Variants in NIPSNAP2 observed in about 807,000 individuals in gnomAD.
NIPSNAP2 encodes nipsnap homolog 2, also known as protein NipSnap homolog 2.
A neutral mutation model predicts 48.4 loss-of-function variants in NIPSNAP2; 42 were observed. The ratio of observed to expected loss-of-function variants is 0.87; its 90% CI spans 0.68 to 1.12. NIPSNAP2 has a LOEUF of 1.12. Ranked by LOEUF, NIPSNAP2 falls within the 50% of genes most tolerant of loss-of-function variation. The pLI is 0.00. For missense variants in NIPSNAP2, 314 were observed against 347.3 expected, an observed-to-expected ratio of 0.90 and a Z score of 0.76; for synonymous variants, 158 against 126.6, an observed-to-expected ratio of 1.25 and a Z score of -1.67.
chr7:55,981,531 A>G lies in NIPSNAP2; in HGVS notation c.337A>G (p.Thr113Ala), dbSNP rs1562764935. The G allele has an allele frequency of 2.5e-6, 4 of 1,613,796 alleles. No homozygotes were observed. Among genetic ancestry groups the G allele is most frequent in the Non-Finnish European group, 2.5e-6 (3 of 1,179,936 alleles). The part of the protein sequence containing the change: ...DKHYPCTLVG[T>A]WNTWYGEQDQ... ...ACACTACCCTTGTACTTTGGTGGGG[A>G]CTTGGAACACGTGGTATGGCGAGCA... The change falls in exon 4 of 10, where the codon ACT (threonine) becomes GCT (alanine). Residue 113 changes from threonine to alanine, a missense_variant. Coordinates refer to ENST00000322090, the MANE Select transcript of NIPSNAP2 (RefSeq NM_001483.3).
intron 1 of NIPSNAP2, among the ~76,000 whole-genome samples, chr7:55,968,674 C>T (rs1447896383): frequency 6.6e-6 from 1 of 152,124 alleles, no homozygotes; most frequent in Non-Finnish European, 1.5e-5. Context: ...GGATTATAGG[C>T]GTGAGCCACT....
intron 1 of NIPSNAP2, among the ~76,000 whole-genome samples, chr7:55,966,463 T>TA (rs1461826475): frequency 6.6e-6 from 1 of 151,906 alleles, no homozygotes; most frequent in Admixed American, 6.6e-5. Flanking sequence ...AGTACATAAA[T>TA]AAAAATTTGT....
intron 1 of NIPSNAP2, among the ~76,000 whole-genome samples, chr7:55,973,656 G>A (rs889186943): frequency 1.6e-5 from 2 of 124,070 alleles, no homozygotes; most frequent in South Asian, 4.8e-4. Context: ...TTTTTTTTTT[G>A]TAGTGTTAGT....
intron 7 of NIPSNAP2, among the ~76,000 whole-genome samples, chr7:55,992,405 C>A (rs1217001332): frequency 1.3e-5 from 2 of 152,060 alleles, no homozygotes; most frequent in Non-Finnish European, 2.9e-5. Context: ...CAGGAGGCTC[C>A]CTCGAGCCCA....
chr7:55,987,412 G>A (rs566598693), intron 7 of NIPSNAP2, among the ~76,000 whole-genome samples: 11 of 152,276 alleles, frequency 7.2e-5, no homozygotes, highest in African/African-American at 1.9e-4. Flanking sequence ...CTGGTCACCC[G>A]AGCTCAGGAG....
chr7:55,966,375 G>A (rs374480925), intron 1 of NIPSNAP2, among the ~76,000 whole-genome samples: 2 of 152,266 alleles, frequency 1.3e-5, no homozygotes, highest in South Asian at 2.1e-4. Flanking sequence ...GGAAGGTTGC[G>A]GCAGGAGGAT....
intron 3 of NIPSNAP2, 67 bp from the exon 4 acceptor site, chr7:55,981,406 C>G (rs1787213363): frequency 9.5e-7 from 1 of 1,052,688 alleles, no homozygotes; most frequent in South Asian, 1.3e-5. Context: ...TGTTACTGAT[C>G]AGGTGCTGTC....
chr7:55,967,021 C>T (rs1786909170), intron 1 of NIPSNAP2, among the ~76,000 whole-genome samples: 1 of 152,224 alleles, frequency 6.6e-6, no homozygotes, highest in Non-Finnish European at 1.5e-5. Context: ...GAATCAGTTT[C>T]AGCAAGGGAG....
At chr7:55,973,039 G>C (rs1209420138) in intron 1 of NIPSNAP2, among the ~76,000 whole-genome samples, 1 of 151,980 alleles carries the variant, frequency 6.6e-6, no homozygotes, top group Admixed American at 6.6e-5. Flanking sequence ...CCGGGAGGTC[G>C]AGGCTACAGT....
In NIPSNAP2 at chr7:55,981,509, C is replaced by G; in HGVS notation, c.315C>G (p.His105Gln). The G allele has an allele frequency of 6.2e-7, 1 of 1,613,950 alleles. No individual in the cohort carries two copies. The highest frequency in any genetic ancestry group is 8.5e-7 in the Non-Finnish European group (1 of 1,179,884). ...TGCCAAAGATTCACGAAGATAAACACTACCCTTGTACTTTGGTGGGGACTT... is the reference window on the plus strand; with the variant it reads ...TGCCAAAGATTCACGAAGATAAACAGTACCCTTGTACTTTGGTGGGGACTT... ...EVLPKIHEDKHYPCTLVGTWN... is the reference protein window; with the variant it reads ...EVLPKIHEDKQYPCTLVGTWN... Residue 105 changes from histidine (H) to glutamine (Q), a missense_variant, in exon 4 of 10, where the codon CAC becomes CAG. By Grantham distance (24) the His-to-Gln change is conservative (BLOSUM62 0). Around this residue, in one of 2 missense-constraint regions of NIPSNAP2, gnomAD observed 198 missense variants for 185.5 expected, o/e 1.07. Coordinates refer to ENST00000322090, the MANE Select transcript of NIPSNAP2 (RefSeq NM_001483.3).
chr7:55,999,128 A>C lies in NIPSNAP2; in HGVS notation c.*56A>C, dbSNP rs529263642. The C allele has an allele frequency of 2.1e-6, 3 of 1,395,366 alleles. No homozygotes were observed. Among genetic ancestry groups the C allele is most frequent in the Non-Finnish European group, 3.0e-6 (3 of 987,084 alleles). 86.4% of individuals were successfully genotyped at this position (1,395,366 alleles called of 1,614,324 possible). A position where few individuals can be genotyped will look rare whatever the true frequency, so the allele number is the denominator to read the frequency against. On this transcript the variant is annotated 3_prime_UTR_variant, in exon 10 of 10. Transcript: ENST00000322090. Reference sequence around the variant, plus strand: ...TTTCTGTGACAAGTATTTGTCGTAAATTAATTTTAATTGTGTATCAAGTGA... The same window carrying C: ...TTTCTGTGACAAGTATTTGTCGTAACTTAATTTTAATTGTGTATCAAGTGA...
At chr7:55,965,360 C>T (rs768296710) in intron 1 of NIPSNAP2, among the ~76,000 whole-genome samples, 1 of 151,232 alleles carries the variant, frequency 6.6e-6, no homozygotes, top group Admixed American at 6.6e-5. Context: ...TTTCTAACTT[C>T]AGTGGATTGG....
chr7:55,984,796 A>T (rs376209888), intron 6 of NIPSNAP2, 51 bp from the exon 7 acceptor site: 22 of 1,352,606 alleles, frequency 1.6e-5, no homozygotes, highest in Non-Finnish European at 2.0e-5. Context: ...CTATTTCTGT[A>T]TTTTTTTTTT....
At chr7:55,967,536 G>A (rs976822770) in intron 1 of NIPSNAP2, among the ~76,000 whole-genome samples, 2 of 151,822 alleles carry the variant, frequency 1.3e-5, no homozygotes, top group African/African-American at 2.4e-5. Flanking sequence ...GCATGACCAC[G>A]GCTCACTGCA....
At chr7:55,984,965 A>T in intron 7 of NIPSNAP2, 87 bp downstream of exon 7, 4 of 1,018,852 alleles carry the variant, frequency 3.9e-6, no homozygotes, top group Non-Finnish European at 4.5e-6. Context: ...AAAAAATCTG[A>T]GGATAGTACT....
chr7:55,996,486 A>G (rs961665808), intron 8 of NIPSNAP2, among the ~76,000 whole-genome samples: 2 of 151,746 alleles, frequency 1.3e-5, no homozygotes, highest in African/African-American at 4.8e-5. Context: ...GCTCCCCTAT[A>G]CACTGTGTCC....
chr7:55,979,446 C>T (rs1004261681), intron 3 of NIPSNAP2: 1 of 203,792 alleles, frequency 4.9e-6, no homozygotes, highest in African/African-American at 2.3e-5. Flanking sequence ...GCTCTTCCAA[C>T]TTCCCTGTCT....
chr7:55,994,197 AG>A lies in NIPSNAP2; in HGVS notation c.618-695del, dbSNP rs548648709. ...GTGGCACCTTGGGTGCTCTAGTTCC[AG>A]GTTTGCCTCGCTTCCCCTCTGAGGG... On this transcript the variant is annotated intron_variant, in intron 7 of 9. Coordinates refer to ENST00000322090, the MANE Select transcript of NIPSNAP2 (RefSeq NM_001483.3). 6.6e-5 allele frequency among the ~76,000 whole-genome samples: 10 copies of A among 152,168 alleles called. No individual in the cohort carries two copies. In the East Asian group the frequency reaches 1.7e-3, roughly 27 times the overall value.
intron 1 of NIPSNAP2, among the ~76,000 whole-genome samples, chr7:55,967,632 ATTATTTATTTATTTAT>A (rs61430146): frequency 1.4e-5 from 2 of 142,708 alleles, no homozygotes; most frequent in African/African-American, 2.6e-5. Flanking sequence ...ATGCCCAGCT[ATTATTTATTTATTTAT>A]TTATTTATTT....
Sources: allele counts gnomAD v4.1 joint callset (sites outside exome capture counted in the v4.1 genomes callset), GRCh38; gene constraint gnomAD v4.1.1; regional missense constraint gnomAD v4.1.1; transcripts MANE v1.5; gene names NCBI Gene and HGNC (gene_info 2026-07-23, HGNC 2026-07-21).